Variants in KLC1 observed in about 807,000 individuals in gnomAD.
KLC1 encodes the protein kinesin 2 60/70kDa.
KLC1 carries 30 observed loss-of-function variants against 84.2 expected under a neutral mutation model. The observed-to-expected ratio is 0.36, with a 90% confidence interval of 0.27 to 0.48. KLC1 has a LOEUF of 0.48. Ranked by LOEUF, KLC1 falls within the 20% of genes least tolerant of loss-of-function variation. The pLI is 0.99. For synonymous variants in KLC1, 289 were observed against 293.3 expected (o/e 0.99, Z 0.15); for missense variants, 499 against 805.4 (o/e 0.62, Z 4.60).
In KLC1 at chr14:103,671,753, G is replaced by T. The variant is rs192803292; in HGVS notation, c.988-1261G>T. On this transcript the variant is annotated intron_variant, in intron 7 of 16. Coordinates refer to ENST00000334553, the MANE Select transcript of KLC1 (RefSeq NM_001394837.1). ...AGTTAATTTTGAGCCACATGGCAAG[G>T]AATTGGGGGAGAGAAAATAAAAAGG... Among the ~76,000 whole-genome samples, 141 of 152,278 alleles carry T rather than the reference G, an allele frequency of 9.3e-4. 1 individual carries two copies. The highest frequency in any genetic ancestry group is 3.4e-3 in the Middle Eastern group (1 of 294).
chr14:103,672,166 C>G (rs994437299), intron 7 of KLC1, among the ~76,000 whole-genome samples: 9 of 151,958 alleles, frequency 5.9e-5, no homozygotes, highest in African/African-American at 1.5e-4. Flanking sequence ...CAGGGAAGGT[C>G]GGTGTTGGAA....
intron 1 of KLC1, among the ~76,000 whole-genome samples, chr14:103,634,453 C>T (rs2076906912): frequency 6.6e-6 from 1 of 152,124 alleles, no homozygotes; most frequent in Non-Finnish European, 1.5e-5. Flanking sequence ...GCTTGTGGGG[C>T]AGCCAAGTGG....
At chr14:103,685,592 T>G (rs1408750884) in intron 13 of KLC1, 1 of 1,289,262 alleles carries the variant, frequency 7.8e-7, no homozygotes, top group Admixed American at 2.3e-5. Context: ...TTGCCTTTCC[T>G]CGCCGCGGTT....
chr14:103,697,813 C>T (rs545239247), intron 15 of KLC1: 46 of 152,398 alleles, frequency 3.0e-4, no homozygotes, highest in African/African-American at 1.1e-3. Context: ...GGAGGCTCTG[C>T]TTTCCAGCCA....
intron 13 of KLC1, chr14:103,685,660 C>T (rs757921300): frequency 7.8e-7 from 1 of 1,289,544 alleles, no homozygotes; most frequent in South Asian, 1.2e-5. Context: ...GTGACTCTCA[C>T]ACTGTCTCCT....
At chr14:103,672,253 C>T (rs1055420416) in intron 7 of KLC1, among the ~76,000 whole-genome samples, 1 of 152,154 alleles carries the variant, frequency 6.6e-6, no homozygotes, top group Non-Finnish European at 1.5e-5. Flanking sequence ...AGAAAGGCAG[C>T]TTACCTCCCT....
intron 2 of KLC1, among the ~76,000 whole-genome samples, 194 bp downstream of exon 2, chr14:103,655,019 G>C (rs1026619338): frequency 6.6e-6 from 1 of 152,078 alleles, no homozygotes; most frequent in African/African-American, 2.4e-5. Flanking sequence ...TTGAGGTCAG[G>C]AGTTTGAGAC....
At chr14:103,648,672 G>A (rs955526738) in intron 1 of KLC1, among the ~76,000 whole-genome samples, 4 of 152,142 alleles carry the variant, frequency 2.6e-5, no homozygotes, top group African/African-American at 9.7e-5. Context: ...TTGGCGGCAC[G>A]CACCTGTAGT....
chr14:103,684,976 C>T (rs2081662019), intron 13 of KLC1: 2 of 984,880 alleles, frequency 2.0e-6, no homozygotes, highest in East Asian at 2.6e-5. Flanking sequence ...GTTATTTTTC[C>T]ATTTTAAAGA....
At position 103,662,782 on chromosome 14, in the gene KLC1, A is replaced by G; in HGVS notation, c.652A>G (p.Asn218Asp). ...EIPARLRTLH[N>D]LVIQYASQGR... ...CCCCGCGCGGCTGCGGACGCTCCACAACCTGGTGATCCAGTACGCCTCGCA... is the reference window on the plus strand; with the variant it reads ...CCCCGCGCGGCTGCGGACGCTCCACGACCTGGTGATCCAGTACGCCTCGCA... The change falls in exon 5 of 17, where the codon AAC becomes GAC. Residue 218 changes from asparagine to aspartate, a missense_variant. Physicochemically the swap from Asn to Asp is conservative, Grantham distance 23. Coordinates refer to ENST00000334553, the MANE Select transcript of KLC1 (RefSeq NM_001394837.1). 1 of 1,612,068 alleles carries G rather than the reference A, an allele frequency of 6.2e-7. No individual in the cohort carries two copies. The highest frequency in any genetic ancestry group is 8.5e-7 in the Non-Finnish European group (1 of 1,179,682).
Position 103,631,230 on chromosome 14 carries a change from G to A in KLC1, c.-2+1736G>A, listed in dbSNP as rs549056393. On this transcript the variant is annotated intron_variant, in intron 1 of 16. Transcript: ENST00000334553. ...TGAGTAGCTGGGACCACAGGCGCCC[G>A]CCACCACGCCCGGTTAATTTTTTGT... is the stretch of plus-strand genomic sequence containing the variant. 2.6e-5 allele frequency among the ~76,000 whole-genome samples: 4 copies of A among 151,990 alleles called. No individual in the cohort carries two copies. In the South Asian group the frequency reaches 8.3e-4, roughly 32 times the overall value.
intron 4 of KLC1, 47 bp downstream of exon 4, chr14:103,662,241 T>A: frequency 6.9e-7 from 1 of 1,443,036 alleles, no homozygotes; most frequent in Non-Finnish European, 9.8e-7. Flanking sequence ...AGAAGAGAGG[T>A]GTTCCTCCTA....
intron 1 of KLC1, among the ~76,000 whole-genome samples, chr14:103,642,031 A>G (rs2077531640): frequency 6.6e-6 from 1 of 152,060 alleles, no homozygotes; most frequent in Non-Finnish European, 1.5e-5. Context: ...GCTGGGTTCA[A>G]GCTATTCTCC....
In KLC1 at chr14:103,698,830, C is replaced by G. The variant is rs1459154997; in HGVS notation, c.1849-1825C>G. 5 of 1,605,798 alleles carry G rather than the reference C, an allele frequency of 3.1e-6. No individual in the cohort carries two copies. In the African/African-American group the frequency reaches 6.7e-5, roughly 21 times the overall value. On this transcript the variant is annotated intron_variant, in intron 15 of 16. Coordinates refer to ENST00000334553, the MANE Select transcript of KLC1 (RefSeq NM_001394837.1). ...GACTGGGTCCCAGGTGTCCCTCGCA[C>G]CCCTTCGGCACTGATCGTGTAGGAA... is the stretch of plus-strand genomic sequence containing the variant.
At chr14:103,674,959 G>A (rs1010687617) in intron 9 of KLC1, among the ~76,000 whole-genome samples, 3 of 152,064 alleles carry the variant, frequency 2.0e-5, no homozygotes, top group Admixed American at 6.6e-5. Flanking sequence ...CAGCTCTGTC[G>A]TCCATAGACT....
At chr14:103,638,195 A>G (rs1366670871) in intron 1 of KLC1, among the ~76,000 whole-genome samples, 1 of 151,962 alleles carries the variant, frequency 6.6e-6, no homozygotes, top group African/African-American at 2.4e-5. Flanking sequence ...AACCTTTGCA[A>G]GGAAAAAACC....
chr14:103,677,337 CT>C lies in KLC1; in HGVS notation c.1380-75del, dbSNP rs753451508. 6.4e-4 allele frequency: 541 copies of C among 842,118 alleles called. 1 individual carries two copies. The highest frequency in any genetic ancestry group is 2.7e-3 in the Middle Eastern group (12 of 4,450). 52.2% of individuals were successfully genotyped at this position (842,118 alleles called of 1,614,324 possible). ...AAGCCAAAACAGAAGTCTGTTAGTT[CT>C]TTAGATTATGTGCTGTTGATAGTGG... On this transcript the variant is annotated intron_variant, in intron 11 of 16. Coordinates refer to ENST00000334553, the MANE Select transcript of KLC1 (RefSeq NM_001394837.1).
intron 1 of KLC1, among the ~76,000 whole-genome samples, chr14:103,653,777 T>C (rs1303328898): frequency 9.2e-5 from 14 of 152,248 alleles, no homozygotes. Flanking sequence ...CACTGCTCAC[T>C]ATCTTTCTGT....
intron 2 of KLC1, among the ~76,000 whole-genome samples, chr14:103,655,369 C>T (rs977949491): frequency 6.6e-6 from 1 of 151,980 alleles, no homozygotes. Context: ...GTGATGCAGT[C>T]TCGGCTCACT....
Sources: gnomAD v4.1 joint callset for allele counts (sites outside exome capture counted in the v4.1 genomes callset) on GRCh38, gnomAD v4.1.1 for gene constraint, MANE v1.5 for transcripts, NCBI Gene and HGNC (gene_info 2026-07-23, HGNC 2026-07-21) for gene names.